CADM2: variants seen among roughly 807,000 people sequenced by gnomAD.
The protein encoded by CADM2 is cell adhesion molecule 2, also known as immunoglobulin superfamily member 4D.
A neutral mutation model predicts 49.8 loss-of-function variants in CADM2; 12 were observed. That is an observed-to-expected ratio of 0.24 (90% CI 0.15 to 0.39). The LOEUF is 0.39. Ranked by LOEUF, CADM2 falls within the 10% of genes least tolerant of loss-of-function variation. CADM2 has a pLI of 1.00. For synonymous variants in CADM2, 214 were observed against 175.4 expected, an observed-to-expected ratio of 1.22 and a Z score of -1.74; for missense variants, 378 against 492.3, an observed-to-expected ratio of 0.77 and a Z score of 2.20.
intron 5 of CADM2, among the ~76,000 whole-genome samples, chr3:85,903,045 CAA>C (rs1010240443): frequency 1.1e-4 from 16 of 152,094 alleles, no homozygotes; most frequent in Admixed American, 1.0e-3. Flanking sequence ...CCTGCAAATT[CAA>C]GTTACCACCT....
At chr3:85,815,375 C>T (rs1367518093) in intron 3 of CADM2, among the ~76,000 whole-genome samples, 1 of 152,090 alleles carries the variant, frequency 6.6e-6, no homozygotes, top group African/African-American at 2.4e-5. Context: ...TATCCAGCAG[C>T]ACATCAAAAA....
chr3:85,633,733 A>G (rs1459916054), intron 1 of CADM2, among the ~76,000 whole-genome samples: 1 of 152,070 alleles, frequency 6.6e-6, no homozygotes, highest in African/African-American at 2.4e-5. Flanking sequence ...ATGGGAGGAG[A>G]ATAAATTTCC....
intron 1 of CADM2, among the ~76,000 whole-genome samples, chr3:84,963,230 C>T (rs2030705338): frequency 1.3e-5 from 2 of 152,096 alleles, no homozygotes; most frequent in Non-Finnish European, 2.9e-5. Context: ...GCAAGGGACA[C>T]ATTACAGAAA....
chr3:85,641,327 ACT>A (rs777484589), intron 1 of CADM2, among the ~76,000 whole-genome samples: 6 of 152,086 alleles, frequency 3.9e-5, no homozygotes, highest in Non-Finnish European at 8.8e-5. Flanking sequence ...TCTACCCTAT[ACT>A]CTCATCTCTA....
intron 1 of CADM2, among the ~76,000 whole-genome samples, chr3:85,049,375 G>T (rs1027819054): frequency 8.7e-6 from 1 of 114,502 alleles, no homozygotes; most frequent in African/African-American, 5.0e-5. Flanking sequence ...TTTTGAGATG[G>T]AGTCTCACAC....
At chr3:86,026,632 C>T (rs2107108269) in intron 8 of CADM2, among the ~76,000 whole-genome samples, 1 of 152,270 alleles carries the variant, frequency 6.6e-6, no homozygotes, top group Non-Finnish European at 1.5e-5. Context: ...CCTATTCATC[C>T]TTCAAAACCT....
At chr3:85,186,881 G>C (rs760386016) in intron 1 of CADM2, among the ~76,000 whole-genome samples, 3 of 152,096 alleles carry the variant, frequency 2.0e-5, no homozygotes, top group Admixed American at 6.6e-5. Context: ...ATTTAAGAAA[G>C]GTGAGATTCC....
At chr3:86,016,900 A>G (rs1259048145) in intron 8 of CADM2, among the ~76,000 whole-genome samples, 1 of 152,280 alleles carries the variant, frequency 6.6e-6, no homozygotes, top group Middle Eastern at 3.4e-3. Context: ...ATTCAACAAA[A>G]GAATTATTTT....
Position 85,235,967 on chromosome 3 carries a change from G to A in CADM2, c.61+276299G>A, listed in dbSNP as rs377059794. 1.8e-3 allele frequency among the ~76,000 whole-genome samples: 274 copies of A among 152,176 alleles called. 1 individual carries two copies. The highest frequency in any genetic ancestry group is 6.3e-3 in the African/African-American group (263 of 41,532). On this transcript the variant is annotated intron_variant, in intron 1 of 9. Transcript: ENST00000383699. ...TTAGGGTATATGGTCTGTATCTGTT[G>A]TTATCAGCTCTGTAACTACATCAGA...
chr3:85,488,312 C>T (rs2039515147), intron 1 of CADM2, among the ~76,000 whole-genome samples: 1 of 151,998 alleles, frequency 6.6e-6, no homozygotes, highest in South Asian at 2.1e-4. Flanking sequence ...TTTGGCAAGA[C>T]AGAGATAATG....
intron 1 of CADM2, among the ~76,000 whole-genome samples, chr3:85,184,872 G>A: frequency 6.6e-6 from 1 of 152,160 alleles, no homozygotes; most frequent in East Asian, 1.9e-4. Flanking sequence ...CACTGTTAGG[G>A]GGATAAACTC....
chr3:85,842,995 TA>T (rs2074708229), intron 3 of CADM2, among the ~76,000 whole-genome samples: 1 of 152,028 alleles, frequency 6.6e-6, no homozygotes, highest in Admixed American at 6.6e-5. Context: ...AAAACATAAA[TA>T]AATAATTGTA....
chr3:85,474,641 G>A (rs1413321713), intron 1 of CADM2, among the ~76,000 whole-genome samples: 1 of 151,714 alleles, frequency 6.6e-6, no homozygotes, highest in African/African-American at 2.4e-5. Flanking sequence ...TTTGAAACAT[G>A]ATTTATATCA....
intron 1 of CADM2, among the ~76,000 whole-genome samples, chr3:85,191,945 T>TTGTG (rs3085115): frequency 0.073 from 10,853 of 149,038 alleles, 1,280 homozygotes; most frequent in African/African-American, 0.25. Flanking sequence ...GATGAAACAG[T>TTGTG]TGTGTGTGTG....
intron 2 of CADM2, among the ~76,000 whole-genome samples, chr3:85,751,042 C>T (rs79329866): frequency 8.2e-4 from 124 of 151,914 alleles, no homozygotes; most frequent in Non-Finnish European, 1.4e-3. Context: ...AAAGTAATTA[C>T]CCAGAAATCT....
At chr3:85,064,080 G>A (rs1351316585) in intron 1 of CADM2, among the ~76,000 whole-genome samples, 2 of 152,080 alleles carry the variant, frequency 1.3e-5, no homozygotes, top group Admixed American at 6.6e-5. Context: ...CTGTTCAATT[G>A]TTTTGGTATG....
intron 1 of CADM2, among the ~76,000 whole-genome samples, chr3:85,385,990 T>C (rs1324878645): frequency 6.6e-6 from 1 of 152,140 alleles, no homozygotes; most frequent in Admixed American, 6.5e-5. Context: ...AACAATTATA[T>C]TTAAAACAAA....
At chr3:85,544,546 C>T (rs903755250) in intron 1 of CADM2, among the ~76,000 whole-genome samples, 1 of 151,980 alleles carries the variant, frequency 6.6e-6, no homozygotes, top group African/African-American at 2.4e-5. Context: ...CACTGCACTC[C>T]TGCCTGGGCG....
chr3:85,685,629 T>G (rs929223232), intron 1 of CADM2, among the ~76,000 whole-genome samples: 3 of 147,440 alleles, frequency 2.0e-5, no homozygotes, highest in Admixed American at 6.8e-5. Context: ...TTTTTTTTTT[T>G]TTTTTTGTTT....
Sources: allele counts gnomAD v4.1 joint callset (sites outside exome capture counted in the v4.1 genomes callset), GRCh38; gene constraint gnomAD v4.1.1; transcripts MANE v1.5; gene names NCBI Gene and HGNC (gene_info 2026-07-23, HGNC 2026-07-21).